PRMT8: variants seen among roughly 807,000 people sequenced by gnomAD.
PRMT8 encodes protein arginine methyltransferase 8.
Under a neutral mutation model 47.1 loss-of-function variants are expected in PRMT8, and 7 were observed. The observed-to-expected ratio is 0.15, with a 90% CI of 0.08 to 0.28. The LOEUF (loss-of-function observed/expected upper bound fraction) is 0.28. Ranked by LOEUF, PRMT8 falls within the 10% of genes least tolerant of loss-of-function variation. The pLI, the probability that PRMT8 is intolerant of heterozygous loss-of-function variation, is 1.00. For missense variants in PRMT8, 237 were observed against 505.4 expected (o/e 0.47, Z 5.09); for synonymous variants, 188 against 186.5 (o/e 1.01, Z -0.07).
chr12:3,518,386 A>C (rs1451398515), intron 1 of PRMT8, among the ~76,000 whole-genome samples: 1 of 135,264 alleles, frequency 7.4e-6, no homozygotes, highest in South Asian at 2.8e-4. Flanking sequence ...CAAGTACTAG[A>C]GTTAGGAATT....
chr12:3,585,292 C>T (rs1349912699), intron 8 of PRMT8, among the ~76,000 whole-genome samples: 1 of 148,354 alleles, frequency 6.7e-6, no homozygotes, highest in Non-Finnish European at 1.5e-5. Flanking sequence ...GTGAGTTCTA[C>T]CAGAAATCGA....
At chr12:3,479,136 C>T (rs1262437661) in intron 1 of PRMT8, among the ~76,000 whole-genome samples, 7 of 152,182 alleles carry the variant, frequency 4.6e-5, no homozygotes, top group South Asian at 2.1e-4. Context: ...TTTAAAAATT[C>T]GTAGGTTATT....
At chr12:3,488,149 T>A (rs1247231222), upstream of PRMT8, among the ~76,000 whole-genome samples, 2 of 152,202 alleles carry the variant, frequency 1.3e-5, no homozygotes, top group African/African-American at 4.8e-5. Context: ...GATAATTGTA[T>A]CTACCTCAAA....
At chr12:3,573,131 G>A (rs1170241122) in intron 6 of PRMT8, among the ~76,000 whole-genome samples, 1 of 152,028 alleles carries the variant, frequency 6.6e-6, no homozygotes, top group Non-Finnish European at 1.5e-5. Flanking sequence ...ATGAAATAAT[G>A]TTTGATATTG....
At chr12:3,584,223 G>T (rs1867125212) in intron 8 of PRMT8, among the ~76,000 whole-genome samples, 1 of 152,194 alleles carries the variant, frequency 6.6e-6, no homozygotes, top group South Asian at 2.1e-4. Flanking sequence ...TTTCCTCTGT[G>T]CTCATGAGCC....
chr12:3,414,594 C>T (rs1864465769), intron 1 of PRMT8, among the ~76,000 whole-genome samples: 1 of 152,184 alleles, frequency 6.6e-6, no homozygotes, highest in Non-Finnish European at 1.5e-5. Flanking sequence ...CAGCAGCCTC[C>T]AAGCCCCTGC....
chr12:3,491,041 G>A (rs1229467477), upstream of PRMT8, among the ~76,000 whole-genome samples: 2 of 152,166 alleles, frequency 1.3e-5, no homozygotes, highest in African/African-American at 4.8e-5. Flanking sequence ...CAGCGCCAGG[G>A]AGTGGAGGCG....
chr12:3,420,004 G>C (rs1431190686), intron 1 of PRMT8, among the ~76,000 whole-genome samples: 2 of 108,420 alleles, frequency 1.8e-5, no homozygotes, highest in Non-Finnish European at 3.9e-5. Flanking sequence ...GGGAGAGGGG[G>C]AGAGAGGGGA....
chr12:3,432,994 T>C (rs1005238099), intron 1 of PRMT8, among the ~76,000 whole-genome samples: 2 of 152,202 alleles, frequency 1.3e-5, no homozygotes, highest in Non-Finnish European at 2.9e-5. Flanking sequence ...ATTGCTGATT[T>C]ACAGAGTATG....
At chr12:3,533,647 C>T (rs147706979) in intron 1 of PRMT8, among the ~76,000 whole-genome samples, 16 of 152,348 alleles carry the variant, frequency 1.1e-4, no homozygotes, top group South Asian at 2.1e-4. Context: ...CAGTACACCC[C>T]TCTGAGGGGG....
At chr12:3,452,890 G>C (rs2137081517) in intron 1 of PRMT8, among the ~76,000 whole-genome samples, 1 of 152,368 alleles carries the variant, frequency 6.6e-6, no homozygotes, top group Admixed American at 6.5e-5. Flanking sequence ...ATCTTTAAGG[G>C]CGAGTGGGGT....
intron 2 of PRMT8, among the ~76,000 whole-genome samples, chr12:3,542,664 G>A (rs1443903554): frequency 6.6e-6 from 1 of 152,156 alleles, no homozygotes; most frequent in Admixed American, 6.5e-5. Context: ...CAACCATGAG[G>A]TGCACCTCAA....
chr12:3,573,270 T>C (rs1027834368), intron 6 of PRMT8, among the ~76,000 whole-genome samples: 1 of 152,228 alleles, frequency 6.6e-6, no homozygotes, highest in African/African-American at 2.4e-5. Context: ...TGTTAATAAG[T>C]TCATTTTAAA....
chr12:3,515,847 G>A (rs1865784194), intron 1 of PRMT8, among the ~76,000 whole-genome samples: 1 of 152,208 alleles, frequency 6.6e-6, no homozygotes, highest in Non-Finnish European at 1.5e-5. Flanking sequence ...CCATCTTCTG[G>A]TGACTGTGGC....
chr12:3,543,321 C>G lies in PRMT8; in HGVS notation c.261+2530C>G, dbSNP rs1866266665. Among the ~76,000 whole-genome samples, 3 of 152,194 alleles carry G rather than the reference C, an allele frequency of 2.0e-5. No individual in the cohort carries two copies. The South Asian group carries it at 6.2e-4, about 32-fold the overall frequency. ...AGGAGGTGGGGGGCACGTGGAAGAA[C>G]TTTTAACACCATTCTTCGCAGAGAG... is the stretch of plus-strand genomic sequence containing the variant. On this transcript the variant is annotated intron_variant, in intron 2 of 9. Transcript: ENST00000382622.
At chr12:3,495,563 A>G (rs1202873909) in intron 1 of PRMT8, among the ~76,000 whole-genome samples, 1 of 152,134 alleles carries the variant, frequency 6.6e-6, no homozygotes, top group Non-Finnish European at 1.5e-5. Flanking sequence ...AGGGAGGGGC[A>G]TTACCCTTTC....
rs1377152120 is a variant in PRMT8 at position 3,456,046 on chromosome 12, T to C, written c.48+74604T>C. On this transcript the variant is annotated intron_variant, in intron 1 of 9. Coordinates refer to the PRMT8 transcript ENST00000452611. The surrounding 1 kb of genome is among the most constrained non-coding windows in gnomAD (Gnocchi z 4.2). ...GTTCTCATCTGTAAAATGAGGATAG[T>C]AAGTCACACCTCACAGGGAAACTGA... Among the ~76,000 whole-genome samples the C allele has an allele frequency of 6.6e-6, 1 of 152,220 alleles. No individual in the cohort carries two copies. The highest frequency in any genetic ancestry group is 1.5e-5 in the Non-Finnish European group (1 of 68,042).
chr12:3,434,175 C>T (rs1864712666), intron 1 of PRMT8, among the ~76,000 whole-genome samples: 1 of 152,094 alleles, frequency 6.6e-6, no homozygotes, highest in African/African-American at 2.4e-5. Context: ...CAAGAAAGCA[C>T]CACCATTAAA....
At chr12:3,468,634 A>G (rs2137093361) in intron 1 of PRMT8, among the ~76,000 whole-genome samples, 1 of 152,350 alleles carries the variant, frequency 6.6e-6, no homozygotes, top group East Asian at 1.9e-4. Context: ...GAGAATAGTT[A>G]TGAAAGTTGA....
Sources: allele counts gnomAD v4.1 joint callset (sites outside exome capture counted in the v4.1 genomes callset), GRCh38; gene constraint gnomAD v4.1.1; non-coding constraint Gnocchi (gnomAD v3.1); transcripts MANE v1.5; gene names NCBI Gene and HGNC (gene_info 2026-07-23, HGNC 2026-07-21).